ST7: variants seen among roughly 807,000 people sequenced by gnomAD.
ST7 encodes suppression of tumorigenicity 7, also known as suppressor of tumorigenicity 7 protein.
A neutral mutation model predicts 78.7 loss-of-function variants in ST7; 28 were observed. The observed-to-expected ratio is 0.36, with a 90% confidence interval of 0.26 to 0.49. The LOEUF is 0.49. ST7 is among the 20% of genes least tolerant of loss of function. The pLI, the probability that ST7 is intolerant of heterozygous loss-of-function variation, is 0.99. For synonymous variants in ST7, 247 were observed against 249.6 expected (o/e 0.99, Z 0.10); for missense variants, 418 against 696.0 (o/e 0.60, Z 4.49).
intron 1 of ST7, among the ~76,000 whole-genome samples, chr7:116,970,989 C>T (rs1793388041): frequency 6.6e-6 from 1 of 152,026 alleles, no homozygotes; most frequent in African/African-American, 2.4e-5. Flanking sequence ...CCCAATTGGA[C>T]CCAAAGAGAC....
chr7:117,148,815 G>A (rs1389963642), intron 9 of ST7, among the ~76,000 whole-genome samples: 1 of 152,170 alleles, frequency 6.6e-6, no homozygotes, highest in African/African-American at 2.4e-5. Context: ...TTCCTTCTGT[G>A]AGATGTGTGG....
At chr7:116,977,926 A>G (rs1241466105) in intron 1 of ST7, among the ~76,000 whole-genome samples, 7 of 152,358 alleles carry the variant, frequency 4.6e-5, no homozygotes, top group African/African-American at 1.4e-4. Flanking sequence ...ATTTCTTTCT[A>G]TACTGTTATT....
At chr7:117,183,787 C>G (rs746442838) in intron 10 of ST7, among the ~76,000 whole-genome samples, 1 of 152,186 alleles carries the variant, frequency 6.6e-6, no homozygotes, top group Non-Finnish European at 1.5e-5. Context: ...AGTTTTCTTA[C>G]GCTTACACAA....
chr7:117,176,230 C>A (rs38861), intron 10 of ST7, among the ~76,000 whole-genome samples: 19,140 of 152,136 alleles, frequency 0.13, 2,258 homozygotes, highest in African/African-American at 0.31. Context: ...CCTTCTCAAA[C>A]GAACTAGGGA....
At chr7:117,018,857 C>T (rs774641746) in intron 1 of ST7, among the ~76,000 whole-genome samples, 5 of 152,162 alleles carry the variant, frequency 3.3e-5, no homozygotes, top group Admixed American at 2.6e-4. Context: ...TGTTCTTTAT[C>T]TTATTTAGCA....
intron 9 of ST7, among the ~76,000 whole-genome samples, chr7:117,152,275 A>G (rs1008990174): frequency 1.4e-5 from 2 of 141,838 alleles, no homozygotes; most frequent in Non-Finnish European, 3.0e-5. Context: ...ATTATAGAGC[A>G]GGCAGTCATT....
rs35246518 is a variant in ST7, at chr7:117,066,764, C to CAAA, written c.152-32977_152-32975dup. 3.3e-4 allele frequency among the ~76,000 whole-genome samples: 25 copies of CAAA among 74,660 alleles called. 1 individual carries two copies. Among genetic ancestry groups the CAAA allele is most frequent in the Non-Finnish European group, 4.3e-4 (18 of 41,466 alleles). The allele number at this position is 74,660 out of a possible 152,430, so 49.0% of individuals were successfully genotyped here. ...CAACAGAGTGAGACTGACTCCGTCTCAAAAAAAAAAAAAAAAAAAAAAAGT... is the reference window on the plus strand; with the variant it reads ...CAACAGAGTGAGACTGACTCCGTCTCAAAAAAAAAAAAAAAAAAAAAAAAAAGT... On this transcript the variant is annotated intron_variant, in intron 1 of 15. Coordinates refer to ENST00000323984, the MANE Select transcript of ST7 (RefSeq NM_001369598.1).
intron 9 of ST7, among the ~76,000 whole-genome samples, chr7:117,163,564 A>G (rs1002358897): frequency 6.6e-6 from 1 of 151,994 alleles, no homozygotes. Flanking sequence ...GCATTTTTTC[A>G]TAGATTTGTT....
At chr7:117,037,638 G>A (rs190271420) in intron 1 of ST7, among the ~76,000 whole-genome samples, 49 of 152,156 alleles carry the variant, frequency 3.2e-4, no homozygotes, top group Non-Finnish European at 5.9e-4. Flanking sequence ...TATTGTTCTC[G>A]TGTTCCCCAA....
At chr7:117,221,223 A>C (rs1322814052) in intron 14 of ST7, among the ~76,000 whole-genome samples, 2 of 152,154 alleles carry the variant, frequency 1.3e-5, no homozygotes, top group Non-Finnish European at 2.9e-5. Flanking sequence ...TATAGAGGGC[A>C]CTCTAAAGAG....
intron 1 of ST7, among the ~76,000 whole-genome samples, chr7:117,003,563 G>A (rs193017373): frequency 1.3e-5 from 2 of 152,254 alleles, no homozygotes; most frequent in Admixed American, 6.5e-5. Context: ...GGGATTACAA[G>A]CGTGAGCCAC....
chr7:116,971,502 G>A (rs995938198), intron 1 of ST7, among the ~76,000 whole-genome samples: 2 of 151,862 alleles, frequency 1.3e-5, no homozygotes, highest in African/African-American at 2.4e-5. Context: ...ATCCTGATTT[G>A]GTCAATTCTA....
intron 1 of ST7, among the ~76,000 whole-genome samples, chr7:117,000,453 A>G (rs1234340022): frequency 6.6e-6 from 1 of 152,220 alleles, no homozygotes; most frequent in Non-Finnish European, 1.5e-5. Flanking sequence ...GATAACTTTA[A>G]TACCTTTATG....
chr7:117,209,805 A>T lies in ST7; in HGVS notation c.1273A>T (p.Ser425Cys). The change falls in exon 13 of 16, where the codon AGC becomes TGC. Residue 425 changes from serine (S) to cysteine (C), a missense_variant. Physicochemically the swap from Ser to Cys is moderately radical, Grantham distance 112 (BLOSUM62 -1). This residue lies in a region of ST7 where 288 missense variants were observed against 537.1 expected (regional missense o/e 0.54). Coordinates refer to ENST00000323984, the MANE Select transcript of ST7 (RefSeq NM_001369598.1). ...HVPKYLLEMK[S>C]LILPPEHILK... Reference sequence around the variant, plus strand: ...ATTTCAGTACCTACTAGAAATGAAAAGCTTAATCCTACCCCCAGAACATAT... The same window carrying T: ...ATTTCAGTACCTACTAGAAATGAAATGCTTAATCCTACCCCCAGAACATAT... 1 of 1,613,530 alleles carries T rather than the reference A, an allele frequency of 6.2e-7. No individual in the cohort carries two copies. Among genetic ancestry groups the T allele is most frequent in the Non-Finnish European group, 8.5e-7 (1 of 1,179,854 alleles).
In ST7 at chr7:116,954,769, T is replaced by C. The variant is rs79810150; in HGVS notation, c.151+1078T>C. 7 of 258,876 alleles carry C rather than the reference T, an allele frequency of 2.7e-5. No homozygotes were observed. In the East Asian group the frequency reaches 6.3e-4, roughly 23 times the overall value. The allele number at this position is 258,876 out of a possible 1,614,324, so 16.0% of individuals were successfully genotyped here. On this transcript the variant is annotated intron_variant, in intron 1 of 15. Transcript: ENST00000323984. ...GAAGATATATACATATGTACACATA[T>C]ATATCTTCCCTTGTTAATCTCCATA...
chr7:117,022,260 C>G (rs2116046625), intron 1 of ST7, among the ~76,000 whole-genome samples: 1 of 152,286 alleles, frequency 6.6e-6, no homozygotes, highest in African/African-American at 2.4e-5. Flanking sequence ...AGAATACTAT[C>G]ATACAGGTTT....
At chr7:116,995,424 T>G (rs757131198) in intron 1 of ST7, among the ~76,000 whole-genome samples, 1 of 152,098 alleles carries the variant, frequency 6.6e-6, no homozygotes, top group Non-Finnish European at 1.5e-5. Context: ...TCATCACCAG[T>G]GTGAAATACC....
intron 1 of ST7, chr7:117,098,936 G>T: frequency 1.1e-6 from 1 of 890,126 alleles, no homozygotes; most frequent in Non-Finnish European, 1.6e-6. Context: ...TGAGCAACAA[G>T]GTTAACTGAA....
At chr7:117,128,687 T>A (rs1459294920) in intron 3 of ST7, among the ~76,000 whole-genome samples, 1 of 151,898 alleles carries the variant, frequency 6.6e-6, no homozygotes, top group East Asian at 1.9e-4. Flanking sequence ...TGTTCTCCAT[T>A]ATCACACTGT....
Sources: gnomAD v4.1 joint callset for allele counts (sites outside exome capture counted in the v4.1 genomes callset) on GRCh38, gnomAD v4.1.1 for gene constraint, gnomAD v4.1.1 regional missense constraint, MANE v1.5 for transcripts, NCBI Gene and HGNC (gene_info 2026-07-23, HGNC 2026-07-21) for gene names.